Variants in MORN4 observed in about 807,000 individuals in gnomAD.
MORN4 encodes the protein MORN repeat containing 4, also known as MORN repeat-containing protein 4.
A neutral mutation model predicts 16.4 loss-of-function variants in MORN4; 8 were observed. That is an observed-to-expected ratio of 0.49 (90% CI 0.29 to 0.88). MORN4 has a LOEUF of 0.88. MORN4 is among the 40% of genes least tolerant of loss of function. The pLI is 0.09. For synonymous variants in MORN4, 53 were observed against 68.9 expected, an observed-to-expected ratio of 0.77 and a Z score of 1.14; for missense variants, 159 against 182.9, an observed-to-expected ratio of 0.87 and a Z score of 0.75.
chr10:97,632,210 CCCTTTTTTT>C lies in MORN4; in HGVS notation c.-31+1128_-31+1136del, dbSNP rs1306673238. Among the ~76,000 whole-genome samples, 46 of 141,806 alleles carry C rather than the reference CCCTTTTTTT, an allele frequency of 3.2e-4. 1 individual carries two copies. Among genetic ancestry groups the C allele is most frequent in the African/African-American group, 1.2e-3 (44 of 35,318 alleles). 93.0% of individuals were successfully genotyped at this position (141,806 alleles called of 152,430 possible). A position where few individuals can be genotyped will look rare whatever the true frequency, so the allele number is the denominator to read the frequency against. ...TAGAACAAAAAGTCAAATAATACTC[CCCTTTTTTT>C]TTTTTTTTTTTTTTTTTGAGACGGA... On this transcript the variant is annotated intron_variant, in intron 1 of 4. Coordinates refer to ENST00000307450, the MANE Select transcript of MORN4 (RefSeq NM_178832.4).
chr10:97,620,678 A>G (rs1258180742), intron 1 of MORN4, among the ~76,000 whole-genome samples: 1 of 151,428 alleles, frequency 6.6e-6, no homozygotes, highest in Non-Finnish European at 1.5e-5. Context: ...TGTAGCCACA[A>G]TCTTAAATTT....
At chr10:97,623,654 A>AGG in intron 1 of MORN4, among the ~76,000 whole-genome samples, 1 of 152,018 alleles carries the variant, frequency 6.6e-6, no homozygotes, top group East Asian at 1.9e-4. Context: ...GAGATCCTCC[A>AGG]ATCCCCTCTT....
intron 1 of MORN4, among the ~76,000 whole-genome samples, chr10:97,622,331 A>G (rs1039148387): frequency 2.0e-5 from 3 of 152,172 alleles, no homozygotes; most frequent in Non-Finnish European, 4.4e-5. Flanking sequence ...ACAATCAGTA[A>G]CATTTGGGGA....
intron 1 of MORN4, among the ~76,000 whole-genome samples, chr10:97,630,811 T>G (rs192474206): frequency 6.6e-6 from 1 of 152,118 alleles, no homozygotes; most frequent in Non-Finnish European, 1.5e-5. Context: ...GAGACAAACC[T>G]AGTTTAACAA....
chr10:97,622,429 C>T (rs2041306159), intron 1 of MORN4, among the ~76,000 whole-genome samples: 1 of 151,966 alleles, frequency 6.6e-6, no homozygotes, highest in South Asian at 2.1e-4. Context: ...CTCAAACCTA[C>T]AATCCCAGCA....
chr10:97,626,754 ATTTTT>A (rs536665432), intron 1 of MORN4, among the ~76,000 whole-genome samples: 1 of 110,980 alleles, frequency 9.0e-6, no homozygotes, highest in African/African-American at 3.2e-5. Flanking sequence ...CTGTGCCCAG[ATTTTT>A]TTTTTTTTTT....
At chr10:97,616,459 C>A in intron 4 of MORN4, 48 bp from the exon 5 acceptor site, 1 of 1,549,976 alleles carries the variant, frequency 6.5e-7, no homozygotes, top group Non-Finnish European at 8.7e-7. Flanking sequence ...GCATTAATGT[C>A]TCAAAGATGA....
chr10:97,619,654 G>T lies in MORN4; in HGVS notation c.-1C>A. ...TGAAGGAACCTTTTGTCAGGGTCAT[G>T]GTGACAGATTACAGGATAAAAGGAT... is the stretch of plus-strand genomic sequence containing the variant. On this transcript the variant is annotated 5_prime_UTR_variant, in exon 2 of 5. Transcript: ENST00000307450. 1.9e-6 allele frequency: 3 copies of T among 1,613,954 alleles called. No homozygotes were observed. The highest frequency in any genetic ancestry group is 2.5e-6 in the Non-Finnish European group (3 of 1,179,826).
intron 1 of MORN4, among the ~76,000 whole-genome samples, chr10:97,632,434 G>A (rs1271930036): frequency 6.6e-6 from 1 of 151,974 alleles, no homozygotes; most frequent in African/African-American, 2.4e-5. Context: ...GGCCAAGCTA[G>A]TTTTGAACTC....
chr10:97,633,617 C>T (rs567143149), upstream of MORN4: 91 of 1,287,682 alleles, frequency 7.1e-5, no homozygotes, highest in African/African-American at 1.3e-3. The surrounding 1 kb of genome is among the most constrained non-coding windows in gnomAD (Gnocchi z 4.5). Flanking sequence ...TTTGCGAACC[C>T]GGGCTGACTA....
intron 1 of MORN4, among the ~76,000 whole-genome samples, chr10:97,627,150 GT>G (rs1176547901): frequency 6.8e-6 from 1 of 148,122 alleles, no homozygotes; most frequent in East Asian, 2.0e-4. Context: ...TTTTTTTTTT[GT>G]TTTTTGTTTT....
rs1281324760 is a variant in MORN4, at chr10:97,633,327, C to G, written c.-31+20G>C. 6.2e-6 allele frequency: 8 copies of G among 1,289,090 alleles called. No homozygotes were observed. The highest frequency in any genetic ancestry group is 8.1e-6 in the Non-Finnish European group (8 of 988,556). 79.9% of individuals were successfully genotyped at this position (1,289,090 alleles called of 1,614,324 possible). Reference sequence around the variant, plus strand: ...ATCACACTCTTTCCCGGCCCCCTCCCTCCTGCGCCTCCAGCCAACCTGGGG... The same window carrying G: ...ATCACACTCTTTCCCGGCCCCCTCCGTCCTGCGCCTCCAGCCAACCTGGGG... On this transcript the variant is annotated intron_variant, in intron 1 of 4. Transcript: ENST00000307450. The surrounding 1 kb of genome is among the most constrained non-coding windows in gnomAD (Gnocchi z 4.5).
chr10:97,615,654 G>C lies in MORN4; in HGVS notation c.*609C>G, dbSNP rs550299214. The stretch of plus-strand genomic sequence containing the variant: ...GCAGGGGAATTGCTTGAACCTGGGA[G>C]GCAGAAGTTGCAGTGAGCTGAGATC... On this transcript the variant is annotated 3_prime_UTR_variant, in exon 5 of 5. Coordinates refer to ENST00000307450, the MANE Select transcript of MORN4 (RefSeq NM_178832.4). 3.9e-5 allele frequency: 6 copies of C among 152,198 alleles called. No individual in the cohort carries two copies. In the East Asian group the frequency reaches 1.2e-3, roughly 29 times the overall value. The allele number at this position is 152,198 out of a possible 1,614,324, so 9.4% of individuals were successfully genotyped here. A position where few individuals can be genotyped will look rare whatever the true frequency, so the allele number is the denominator to read the frequency against.
At chr10:97,619,801 G>A (rs2041272184) in intron 1 of MORN4, 118 bp from the exon 2 acceptor site, 1 of 723,434 alleles carries the variant, frequency 1.4e-6, no homozygotes, top group Non-Finnish European at 2.3e-6. Flanking sequence ...CACTGCCTTA[G>A]GTGCATTTAA....
rs2041231786 is a variant in MORN4 at position 97,615,795 on chromosome 10, C to G, written c.*468G>C. 1 of 152,206 alleles carries G rather than the reference C, an allele frequency of 6.6e-6. No homozygotes were observed. The highest frequency in any genetic ancestry group is 2.1e-4 in the South Asian group (1 of 4,820). The allele number at this position is 152,206 out of a possible 1,614,324, so 9.4% of individuals were successfully genotyped here. A position where few individuals can be genotyped will look rare whatever the true frequency, so the allele number is the denominator to read the frequency against. The stretch of plus-strand genomic sequence containing the variant: ...AGAAAAGCTCTGGCCTTGACTTTCA[C>G]AGGGCTGCTGTACTGAGCCACCCCT... On this transcript the variant is annotated 3_prime_UTR_variant, in exon 5 of 5. Coordinates refer to ENST00000307450, the MANE Select transcript of MORN4 (RefSeq NM_178832.4).
chr10:97,617,328 C>T lies in MORN4; in HGVS notation c.68-6G>A. 1 of 1,613,158 alleles carries T rather than the reference C, an allele frequency of 6.2e-7. No individual in the cohort carries two copies. The highest frequency in any genetic ancestry group is 1.1e-5 in the South Asian group (1 of 91,062). On this transcript the variant is annotated splice_region_variant and splice_polypyrimidine_tract_variant and intron_variant, in intron 2 of 4. Coordinates refer to ENST00000307450, the MANE Select transcript of MORN4 (RefSeq NM_178832.4). The stretch of plus-strand genomic sequence containing the variant: ...ACCAAAACCATGCCTGCGGCCTGAA[C>T]AAAGAGAAGGATAGGTGTCAGGTTG...
At chr10:97,617,091 T>G (rs1164142959) in intron 3 of MORN4, 117 bp downstream of exon 3, 3 of 818,826 alleles carry the variant, frequency 3.7e-6, no homozygotes, top group Admixed American at 4.4e-5. Context: ...TTATTACTCA[T>G]CTGTGTTCTG....
intron 1 of MORN4, among the ~76,000 whole-genome samples, chr10:97,626,410 CAT>C (rs2041347738): frequency 6.8e-6 from 1 of 148,132 alleles, no homozygotes; most frequent in Non-Finnish European, 1.5e-5. Context: ...TAATCATAAT[CAT>C]AATCATAATC....
At chr10:97,621,792 G>A (rs2041296303) in intron 1 of MORN4, among the ~76,000 whole-genome samples, 1 of 152,100 alleles carries the variant, frequency 6.6e-6, no homozygotes, top group African/African-American at 2.4e-5. Context: ...TTGAACTCGG[G>A]AGGCAGAGGT....
Sources: gnomAD v4.1 joint callset for allele counts (sites outside exome capture counted in the v4.1 genomes callset) on GRCh38, gnomAD v4.1.1 for gene constraint, Gnocchi (gnomAD v3.1) non-coding constraint, MANE v1.5 for transcripts, NCBI Gene and HGNC (gene_info 2026-07-23, HGNC 2026-07-21) for gene names.